Variants in CCDC12 observed in about 807,000 individuals in gnomAD.
CCDC12 encodes coiled-coil domain containing 12, also known as coiled-coil domain-containing protein 12.
A neutral mutation model predicts 25.7 loss-of-function variants in CCDC12; 28 were observed. That is an observed-to-expected ratio of 1.09 (90% CI 0.81 to 1.50). The LOEUF (loss-of-function observed/expected upper bound fraction) is 1.50, where lower values mean the gene tolerates loss of function less well. Ranked by LOEUF, CCDC12 falls within the 40% of genes most tolerant of loss-of-function variation. The probability of loss-of-function intolerance (pLI) is 0.00; values close to 1 mark genes in which losing one functional copy is unlikely to be tolerated. For synonymous variants in CCDC12, 75 were observed against 87.7 expected, an observed-to-expected ratio of 0.86 and a Z score of 0.81; for missense variants, 198 against 210.0, an observed-to-expected ratio of 0.94 and a Z score of 0.35.
chr3:46,957,454 C>G (rs371013339), intron 1 of CCDC12, among the ~76,000 whole-genome samples: 2 of 151,874 alleles, frequency 1.3e-5, no homozygotes, highest in South Asian at 4.2e-4. Context: ...GTAAGTGGCT[C>G]GATTTCTAAA....
intron 2 of CCDC12, among the ~76,000 whole-genome samples, chr3:46,926,327 G>A (rs1033483046): frequency 2.0e-5 from 3 of 152,230 alleles, no homozygotes; most frequent in Non-Finnish European, 2.9e-5. Context: ...AGTGAGGGCT[G>A]TGAAAATAGG....
chr3:46,960,168 A>G (rs1350968011), intron 1 of CCDC12, among the ~76,000 whole-genome samples: 1 of 152,076 alleles, frequency 6.6e-6, no homozygotes, highest in Non-Finnish European at 1.5e-5. Flanking sequence ...ACAGGGCCCC[A>G]GCCTGACCGT....
intron 1 of CCDC12, among the ~76,000 whole-genome samples, chr3:46,969,652 A>G (rs1228292434): frequency 6.6e-6 from 1 of 152,214 alleles, no homozygotes; most frequent in African/African-American, 2.4e-5. Context: ...GATACCAGCC[A>G]TGAATATGGC....
At chr3:46,965,264 C>G (rs1208434690) in intron 1 of CCDC12, among the ~76,000 whole-genome samples, 2 of 152,196 alleles carry the variant, frequency 1.3e-5, no homozygotes, top group East Asian at 3.8e-4. Flanking sequence ...TTCCCTGCCC[C>G]CTATCAGTGA....
intron 3 of CCDC12, 42 bp from the exon 4 acceptor site, chr3:46,923,710 G>T (rs746185397): frequency 7.0e-7 from 1 of 1,430,300 alleles, no homozygotes; most frequent in Non-Finnish European, 9.3e-7. Context: ...TGGAAAACGC[G>T]CTGCCACTCT....
In CCDC12 at chr3:46,976,649, T is replaced by G. The variant is rs764869622; in HGVS notation, c.84A>C (p.Lys28Asn). Residue 28 changes from lysine (K) to asparagine (N), a missense_variant, in exon 1 of 7, where the codon AAA (lysine) becomes AAC (asparagine). Physicochemically the swap from Lys to Asn is moderately conservative, Grantham distance 94 (BLOSUM62 0). Transcript: ENST00000683445. The part of the protein sequence containing the change: ...RKERLKALRE[K>N]TGRKDKEDGE... ...CCACACTTCTCACCTTGCGCCCGGT[T>G]TTCTCCCGTAGGGCCTTCAGCCGTT... The G allele has an allele frequency of 3.1e-6, 5 of 1,611,234 alleles. No individual in the cohort carries two copies. In the African/African-American group the frequency reaches 6.7e-5, roughly 22 times the overall value.
chr3:46,932,910 C>A (rs1261182184), intron 2 of CCDC12, among the ~76,000 whole-genome samples: 4 of 152,190 alleles, frequency 2.6e-5, no homozygotes, highest in Non-Finnish European at 5.9e-5. Context: ...GAAAACAGTC[C>A]AGAAAGACTA....
intron 1 of CCDC12, among the ~76,000 whole-genome samples, chr3:46,945,300 G>A (rs879456984): frequency 6.6e-6 from 1 of 152,248 alleles, no homozygotes; most frequent in African/African-American, 2.4e-5. Flanking sequence ...CCTCAGGAAC[G>A]CTGATGGCTG....
intron 1 of CCDC12, among the ~76,000 whole-genome samples, chr3:46,971,408 C>T (rs111358694): frequency 1.6e-3 from 245 of 152,344 alleles, no homozygotes; most frequent in African/African-American, 5.7e-3. Context: ...CATTACTTCC[C>T]CTCCTCAGCC....
chr3:46,974,105 T>C (rs1230646277), intron 1 of CCDC12, among the ~76,000 whole-genome samples: 4 of 152,134 alleles, frequency 2.6e-5, no homozygotes, highest in African/African-American at 9.7e-5. Context: ...GAAGGACAAA[T>C]ACTGTATGAT....
At chr3:46,948,579 T>C (rs2033995973) in intron 1 of CCDC12, among the ~76,000 whole-genome samples, 1 of 152,194 alleles carries the variant, frequency 6.6e-6, no homozygotes, top group African/African-American at 2.4e-5. Flanking sequence ...TCAGGCATTC[T>C]AACGGTGAGG....
At chr3:46,936,516 C>T (rs898512273) in intron 2 of CCDC12, among the ~76,000 whole-genome samples, 1 of 152,276 alleles carries the variant, frequency 6.6e-6, no homozygotes, top group East Asian at 1.9e-4. Flanking sequence ...TTTTTTTCCA[C>T]CTTTGGTTGA....
chr3:46,923,554 AGAAACAG>A, intron 4 of CCDC12, 46 bp downstream of exon 4: 1 of 1,570,458 alleles, frequency 6.4e-7, no homozygotes, highest in Non-Finnish European at 8.7e-7. Context: ...AGTGGCGAAG[AGAAACAG>A]GACACACAGA....
At chr3:46,961,625 A>T (rs1026120745) in intron 1 of CCDC12, among the ~76,000 whole-genome samples, 1 of 152,250 alleles carries the variant, frequency 6.6e-6, no homozygotes, top group African/African-American at 2.4e-5. Flanking sequence ...GCACCCAGGA[A>T]ATGTCTGAAT....
At chr3:46,946,480 C>G (rs1438624332) in intron 1 of CCDC12, among the ~76,000 whole-genome samples, 2 of 152,236 alleles carry the variant, frequency 1.3e-5, no homozygotes, top group Non-Finnish European at 2.9e-5. Flanking sequence ...GTGGTAACTG[C>G]CTACAAAGAC....
At chr3:46,934,080 C>G (rs1041937575) in intron 2 of CCDC12, among the ~76,000 whole-genome samples, 1 of 152,014 alleles carries the variant, frequency 6.6e-6, no homozygotes, top group Non-Finnish European at 1.5e-5. Flanking sequence ...CCACAGCACC[C>G]GGTTGTAAAT....
chr3:46,947,198 GC>G (rs1343962611), intron 1 of CCDC12, among the ~76,000 whole-genome samples: 1 of 152,220 alleles, frequency 6.6e-6, no homozygotes, highest in Non-Finnish European at 1.5e-5. Context: ...GGCCAAACTG[GC>G]CCCACTTTGA....
intron 2 of CCDC12, among the ~76,000 whole-genome samples, chr3:46,931,004 G>GATA (rs2033189294): frequency 6.6e-6 from 1 of 152,206 alleles, no homozygotes; most frequent in African/African-American, 2.4e-5. Context: ...GAATTCAGAA[G>GATA]GCACTCAAGA....
intron 1 of CCDC12, among the ~76,000 whole-genome samples, chr3:46,971,122 C>T (rs999958176): frequency 6.6e-6 from 1 of 152,234 alleles, no homozygotes; most frequent in African/African-American, 2.4e-5. Flanking sequence ...CTCTAAAATG[C>T]TCCCTGGGAA....
Sources: allele counts gnomAD v4.1 joint callset (sites outside exome capture counted in the v4.1 genomes callset), GRCh38; gene constraint gnomAD v4.1.1; transcripts MANE v1.5; gene names NCBI Gene and HGNC (gene_info 2026-07-23, HGNC 2026-07-21).